The following INTS4 variants were observed in gnomAD, a reference collection of about 807,000 sequenced individuals.
INTS4 encodes the protein integrator complex subunit 4, also known as MSTP093.
Under a neutral mutation model 119.5 loss-of-function variants are expected in INTS4, and 70 were observed. That is an observed-to-expected ratio of 0.59 (90% CI 0.48 to 0.71). The LOEUF is 0.71. Among genes scored for constraint, INTS4 ranks in the 30% least tolerant of loss-of-function variants. The pLI is 0.00. For synonymous variants in INTS4, 316 were observed against 419.6 expected (o/e 0.75, Z 3.02); for missense variants, 867 against 1,173.2 (o/e 0.74, Z 3.81).
At chr11:77,951,268 T>C (rs575060103) in intron 8 of INTS4, among the ~76,000 whole-genome samples, 3 of 152,216 alleles carry the variant, frequency 2.0e-5, no homozygotes, top group East Asian at 3.9e-4. Flanking sequence ...CAAATGGTAT[T>C]TCTAGTTCAA....
At position 77,902,595 on chromosome 11, in the gene INTS4, C is replaced by T. The variant is rs572113375; in HGVS notation, c.2097+945G>A. Among the ~76,000 whole-genome samples, 356 of 152,316 alleles carry T rather than the reference C, an allele frequency of 2.3e-3. 1 individual carries two copies. Among genetic ancestry groups the T allele is most frequent in the Non-Finnish European group, 3.5e-3 (238 of 68,026 alleles). ...TTAACTGCCTCATCTCTAAAACAGACTTAATACTTATTCCTATCTAATGGG... is the reference window on the plus strand; with the variant it reads ...TTAACTGCCTCATCTCTAAAACAGATTTAATACTTATTCCTATCTAATGGG... On this transcript the variant is annotated intron_variant, in intron 17 of 22. Coordinates refer to ENST00000534064, the MANE Select transcript of INTS4 (RefSeq NM_033547.4).
chr11:77,914,203 C>G (rs1242201696), intron 15 of INTS4, among the ~76,000 whole-genome samples: 4 of 152,170 alleles, frequency 2.6e-5, no homozygotes, highest in Non-Finnish European at 4.4e-5. Context: ...ACACAGAGCC[C>G]CAAACTTAGG....
At chr11:77,963,352 CAAAAAAAAAAAA>C (rs777966254) in intron 4 of INTS4, 4 of 170,240 alleles carry the variant, frequency 2.3e-5, no homozygotes, top group Non-Finnish European at 3.0e-5. Context: ...GACTCCGTCT[CAAAAAAAAAAAA>C]AAAAAAAAAA....
intron 4 of INTS4, among the ~76,000 whole-genome samples, chr11:77,961,474 G>C (rs1954475297): frequency 1.3e-5 from 2 of 152,056 alleles, no homozygotes; most frequent in African/African-American, 4.8e-5. Context: ...TTTAAAACCA[G>C]ACAAAAATGT....
rs144227709 is a variant in INTS4 at position 77,991,149 on chromosome 11, C to G, written c.205G>C (p.Val69Leu). 1.2e-6 allele frequency: 2 copies of G among 1,614,182 alleles called. No homozygotes were observed. The highest frequency in any genetic ancestry group is 3.3e-5 in the Admixed American group (2 of 60,020). Residue 69 changes from valine to leucine, a missense_variant, in exon 2 of 23, where the codon GTA becomes CTA. Physicochemically the swap from Val to Leu is conservative, Grantham distance 32. This residue lies in a region of INTS4 where 224 missense variants were observed against 231.8 expected (regional missense o/e 0.97). Coordinates refer to ENST00000534064, the MANE Select transcript of INTS4 (RefSeq NM_033547.4). ...FARKPVEAES[V>L]EGVVRILLEH... ...AAGAGAATCCTGACTACTCCCTCTACGCTTTCCGCCTCGACAGGCTTCCTG... is the reference window on the plus strand; with the variant it reads ...AAGAGAATCCTGACTACTCCCTCTAGGCTTTCCGCCTCGACAGGCTTCCTG...
intron 17 of INTS4, among the ~76,000 whole-genome samples, chr11:77,903,059 C>T (rs184486043): frequency 3.3e-5 from 5 of 152,254 alleles, no homozygotes; most frequent in East Asian, 1.9e-4. Flanking sequence ...TGTGAGCCAC[C>T]GCGCCCGGCC....
intron 1 of INTS4, among the ~76,000 whole-genome samples, chr11:77,993,414 A>G (rs1432083976): frequency 6.6e-6 from 1 of 152,206 alleles, no homozygotes; most frequent in African/African-American, 2.4e-5. Flanking sequence ...GTGAGAAGAG[A>G]CAACCAGTGC....
intron 2 of INTS4, among the ~76,000 whole-genome samples, chr11:77,985,075 T>C (rs1320401995): frequency 6.6e-6 from 1 of 152,120 alleles, no homozygotes; most frequent in Non-Finnish European, 1.5e-5. Context: ...AAAAACAGAA[T>C]TACCTCCAGG....
intron 4 of INTS4, among the ~76,000 whole-genome samples, chr11:77,964,160 ATCCAATAAG>A (rs1284956816): frequency 6.6e-6 from 1 of 152,210 alleles, no homozygotes; most frequent in East Asian, 1.9e-4. Context: ...AGGATTAGCT[ATCCAATAAG>A]TGAAATGATT....
chr11:77,959,761 C>A (rs904830024), intron 6 of INTS4, among the ~76,000 whole-genome samples: 4 of 152,082 alleles, frequency 2.6e-5, no homozygotes, highest in South Asian at 4.1e-4. Flanking sequence ...TCTTGGCAGG[C>A]TAACAAAACC....
chr11:77,971,350 T>G (rs936801294), intron 4 of INTS4, among the ~76,000 whole-genome samples: 1 of 152,020 alleles, frequency 6.6e-6, no homozygotes, highest in African/African-American at 2.4e-5. Context: ...CCTTAGATAG[T>G]CTAAATACAA....
chr11:77,960,462 T>G, intron 5 of INTS4, 71 bp from the exon 6 acceptor site: 1 of 1,145,028 alleles, frequency 8.7e-7, no homozygotes, highest in Non-Finnish European at 1.3e-6. Context: ...CCCCACAATC[T>G]CACATATTTT....
intron 12 of INTS4, 92 bp from the exon 13 acceptor site, chr11:77,922,563 G>C: frequency 1.6e-6 from 1 of 635,110 alleles, no homozygotes; most frequent in Non-Finnish European, 2.8e-6. Context: ...ACCTGAACTG[G>C]AATTGGAAAT....
At chr11:77,892,829 C>T (rs549668904) in intron 19 of INTS4, among the ~76,000 whole-genome samples, 3 of 152,244 alleles carry the variant, frequency 2.0e-5, no homozygotes, top group East Asian at 3.9e-4. Context: ...GTGATCCACC[C>T]GCCTCAGCCT....
At chr11:77,960,174 C>T (rs1954431163) in intron 6 of INTS4, among the ~76,000 whole-genome samples, 167 bp downstream of exon 6, 2 of 152,104 alleles carry the variant, frequency 1.3e-5, no homozygotes, top group Admixed American at 1.3e-4. Context: ...AACCTCCATT[C>T]TCTTCCTGAA....
chr11:77,929,596 G>A (rs2136498565), intron 10 of INTS4, among the ~76,000 whole-genome samples: 1 of 152,288 alleles, frequency 6.6e-6, no homozygotes. Context: ...GGATTCACTT[G>A]CCTCAAAGTG....
chr11:77,899,488 A>G (rs1018319364), intron 18 of INTS4, among the ~76,000 whole-genome samples: 5 of 152,036 alleles, frequency 3.3e-5, no homozygotes, highest in African/African-American at 9.7e-5. Context: ...CCTGGCTAAC[A>G]TGGTGAAACC....
chr11:77,933,935 G>GT (rs1174826702), intron 10 of INTS4, among the ~76,000 whole-genome samples: 1 of 152,210 alleles, frequency 6.6e-6, no homozygotes, highest in Non-Finnish European at 1.5e-5. Context: ...GACAATGGCG[G>GT]TTTTGTGGAG....
intron 10 of INTS4, among the ~76,000 whole-genome samples, chr11:77,933,667 GTC>G (rs1252897763): frequency 1.3e-5 from 2 of 151,990 alleles, no homozygotes; most frequent in Admixed American, 6.6e-5. Context: ...AGTGAAGAGC[GTC>G]TCTGCCTGGC....
Sources: gnomAD v4.1 joint callset for allele counts (sites outside exome capture counted in the v4.1 genomes callset) on GRCh38, gnomAD v4.1.1 for gene constraint, gnomAD v4.1.1 regional missense constraint, MANE v1.5 for transcripts, NCBI Gene and HGNC (gene_info 2026-07-23, HGNC 2026-07-21) for gene names.